Variants in LSM6 observed in about 807,000 individuals in gnomAD.
LSM6 encodes the protein U6 snRNA-associated Sm-like protein LSm6.
Under a neutral mutation model 13.5 loss-of-function variants are expected in LSM6, and 2 were observed. That is an observed-to-expected ratio of 0.15 (90% CI 0.06 to 0.47). The LOEUF (loss-of-function observed/expected upper bound fraction) is 0.47. LSM6 is among the 20% of genes least tolerant of loss of function. The pLI, the probability that LSM6 is intolerant of heterozygous loss-of-function variation, is 0.97. For missense variants in LSM6, 58 were observed against 96.4 expected (o/e 0.60, Z 1.67); for synonymous variants, 43 against 34.9 (o/e 1.23, Z -0.82).
chr4:146,176,571 A>G (rs1730114443), intron 1 of LSM6: 1 of 152,016 alleles, frequency 6.6e-6, no homozygotes, highest in African/African-American at 2.4e-5. Context: ...ACCTACGATC[A>G]TTTTCTCTTG....
chr4:146,182,382 A>G lies in LSM6; in HGVS notation c.-10-530A>G, dbSNP rs1730250369. Among the ~76,000 whole-genome samples, 5 of 152,232 alleles carry G rather than the reference A, an allele frequency of 3.3e-5. No homozygotes were observed. In the South Asian group the frequency reaches 1.0e-3, roughly 32 times the overall value. On this transcript the variant is annotated intron_variant, in intron 1 of 3. Transcript: ENST00000296581. ...GGACTTTAAAATAGGGCTGATTTGA[A>G]CTTGAATGTTCCATCACATTTGGGA...
rs145653337 is a variant in LSM6 at position 146,189,865 on chromosome 4, C to T, written c.*209C>T. On this transcript the variant is annotated 3_prime_UTR_variant, in exon 4 of 4. Transcript: ENST00000296581. Reference sequence around the variant, plus strand: ...AAGTTTCAGTCATTTTCTTTTACCTCGTTGTCAGTGTACAGAATGCTAAAA... The same window carrying T: ...AAGTTTCAGTCATTTTCTTTTACCTTGTTGTCAGTGTACAGAATGCTAAAA... 196 of 509,200 alleles carry T rather than the reference C, an allele frequency of 3.8e-4. No individual in the cohort carries two copies. The highest frequency in any genetic ancestry group is 6.6e-4 in the Admixed American group (17 of 25,668). 31.5% of individuals were successfully genotyped at this position (509,200 alleles called of 1,614,324 possible).
intron 2 of LSM6, chr4:146,183,684 G>C (rs1200635242): frequency 6.6e-6 from 1 of 151,984 alleles, no homozygotes; most frequent in Non-Finnish European, 1.5e-5. Context: ...GTGGTCTCTT[G>C]GGTTGCTATA....
intron 2 of LSM6, chr4:146,183,299 T>G (rs1356367902): frequency 9.4e-6 from 3 of 318,664 alleles, no homozygotes; most frequent in African/African-American, 6.4e-5. Flanking sequence ...AGCTAGGTAT[T>G]CCTAGTGAAC....
Position 146,189,722 on chromosome 4 carries a change from G to C in LSM6, c.*66G>C. ...TTTTTATGAATTTTTTCTAATTTTT[G>C]CTTCTTTTGTGATACAATTTGTCCT... On this transcript the variant is annotated 3_prime_UTR_variant, in exon 4 of 4. Coordinates refer to ENST00000296581, the MANE Select transcript of LSM6 (RefSeq NM_007080.3). 1 of 1,305,916 alleles carries C rather than the reference G, an allele frequency of 7.7e-7. No individual in the cohort carries two copies. The highest frequency in any genetic ancestry group is 1.1e-6 in the Non-Finnish European group (1 of 933,884). The allele number at this position is 1,305,916 out of a possible 1,614,324, so 80.9% of individuals were successfully genotyped here.
At chr4:146,183,132 GT>G in intron 2 of LSM6, 117 bp downstream of exon 2, 1 of 652,334 alleles carries the variant, frequency 1.5e-6, no homozygotes, top group Admixed American at 2.5e-5. Context: ...GTCATCAGTA[GT>G]TTTTATGCAT....
At chr4:146,185,726 CT>C (rs564177084) in intron 2 of LSM6, among the ~76,000 whole-genome samples, 116 of 149,572 alleles carry the variant, frequency 7.8e-4, no homozygotes, top group African/African-American at 2.7e-3. Flanking sequence ...TAGAAGTGAA[CT>C]CTTTTTTTTT....
chr4:146,188,219 CCTTT>C (rs1196582074), intron 3 of LSM6, among the ~76,000 whole-genome samples: 3 of 152,128 alleles, frequency 2.0e-5, no homozygotes, highest in African/African-American at 4.8e-5. Context: ...GCTTTCTAGT[CCTTT>C]CTATTTATAG....
rs752351455 is a variant in LSM6 at position 146,189,690 on chromosome 4, A to C, written c.*34A>C. The C allele has an allele frequency of 1.3e-6, 2 of 1,552,474 alleles. No homozygotes were observed. Among genetic ancestry groups the C allele is most frequent in the South Asian group, 2.4e-5 (2 of 82,892 alleles). ...AGAGAGCAACGCTTTTCATAGTTGG[A>C]TATATTTTTTTATGAATTTTTTCTA... On this transcript the variant is annotated 3_prime_UTR_variant, in exon 4 of 4. Transcript: ENST00000296581.
intron 1 of LSM6, chr4:146,181,022 C>A (rs867248531): frequency 6.6e-6 from 1 of 152,084 alleles, no homozygotes. Context: ...TGATCTGAGT[C>A]CTGAATGAAA....
rs1730466914 is a variant in LSM6, at chr4:146,191,361, T to G, written c.*1705T>G. The stretch of plus-strand genomic sequence containing the variant: ...CTGTAGCGTCCTGTTTTTTCTAACT[T>G]CTTCCCTGACCTCGCCTTTGATATA... On this transcript the variant is annotated 3_prime_UTR_variant, in exon 4 of 4. Transcript: ENST00000296581. 6.6e-6 allele frequency: 1 copy of G among 152,232 alleles called. No homozygotes were observed. The allele number at this position is 152,232 out of a possible 1,614,324, so 9.4% of individuals were successfully genotyped here.
rs1216768331 is a variant in LSM6 at position 146,190,269 on chromosome 4, T to TG, written c.*614dup. 3.3e-5 allele frequency: 5 copies of TG among 152,508 alleles called. No homozygotes were observed. The highest frequency in any genetic ancestry group is 1.2e-4 in the African/African-American group (5 of 41,592). 9.4% of individuals were successfully genotyped at this position (152,508 alleles called of 1,614,324 possible). A position where few individuals can be genotyped will look rare whatever the true frequency, so the allele number is the denominator to read the frequency against. Reference sequence around the variant, plus strand: ...TGAGGTGCTGGAGAAATCCTAAAGATGAACAAGATTTCAGTGAGGAGAAAG... The same window carrying TG: ...TGAGGTGCTGGAGAAATCCTAAAGATGGAACAAGATTTCAGTGAGGAGAAAG... On this transcript the variant is annotated 3_prime_UTR_variant, in exon 4 of 4. Transcript: ENST00000296581.
rs148645063 is a variant in LSM6, at chr4:146,184,594, G to C, written c.94+1579G>C. Among the ~76,000 whole-genome samples the C allele has an allele frequency of 7.9e-3, 1,202 of 152,214 alleles. 10 individuals are homozygous for C. Among genetic ancestry groups the C allele is most frequent in the Non-Finnish European group, 0.013 (874 of 68,018 alleles). On this transcript the variant is annotated intron_variant, in intron 2 of 3. Coordinates refer to ENST00000296581, the MANE Select transcript of LSM6 (RefSeq NM_007080.3). ...TGCCTCTCACCTGCGAACTTTTGAT[G>C]ATGGGCCCATAGGAAGTAATAGACT...
intron 2 of LSM6, 129 bp downstream of exon 2, chr4:146,183,144 A>G (rs1336468979): frequency 8.2e-6 from 5 of 607,428 alleles, no homozygotes; most frequent in South Asian, 7.5e-5. Flanking sequence ...TTTTATGCAT[A>G]TATCTTTTTC....
intron 1 of LSM6, 144 bp downstream of exon 1, chr4:146,175,955 A>G (rs3733459): frequency 0.29 from 44,619 of 152,336 alleles, 6,904 homozygotes; most frequent in Middle Eastern, 0.37. Context: ...TGCGGTGAAC[A>G]GGCTGGGGCT....
At chr4:146,180,582 G>C (rs1730211245) in intron 1 of LSM6, among the ~76,000 whole-genome samples, 1 of 152,098 alleles carries the variant, frequency 6.6e-6, no homozygotes, top group Admixed American at 6.5e-5. Context: ...TCCAGCTTTT[G>C]CTTTTCAAAT....
Position 146,182,972 on chromosome 4 carries a change from A to T in LSM6, c.51A>T (p.Gly17=). ...GTGACTTCTTAAAGCAAATCATCGG[A>T]CGACCAGTTGTGGTAAAATTAAATT... is the stretch of plus-strand genomic sequence containing the variant. ...TPSDFLKQII[G]RPVVVKLNSG... is the part of the protein sequence containing the mutation. The change falls in exon 2 of 4, where the codon GGA becomes GGT. Residue 17 remains glycine, a synonymous_variant. Coordinates refer to ENST00000296581, the MANE Select transcript of LSM6 (RefSeq NM_007080.3). 1 of 1,613,696 alleles carries T rather than the reference A, an allele frequency of 6.2e-7. No homozygotes were observed. Among genetic ancestry groups the T allele is most frequent in the South Asian group, 1.1e-5 (1 of 91,070 alleles).
chr4:146,188,710 G>A (rs181150946), intron 3 of LSM6, among the ~76,000 whole-genome samples: 1 of 152,146 alleles, frequency 6.6e-6, no homozygotes, highest in Admixed American at 6.5e-5. Flanking sequence ...CACATCCTAC[G>A]AGTTCATGTT....
intron 3 of LSM6, among the ~76,000 whole-genome samples, chr4:146,188,985 CTTTTTTTTT>C (rs574933137): frequency 7.6e-6 from 1 of 131,340 alleles, no homozygotes; most frequent in Non-Finnish European, 1.6e-5. Flanking sequence ...TGAAAAGCAT[CTTTTTTTTT>C]TTTTTTTTTT....
Sources: gnomAD v4.1 joint callset for allele counts (sites outside exome capture counted in the v4.1 genomes callset) on GRCh38, gnomAD v4.1.1 for gene constraint, MANE v1.5 for transcripts, NCBI Gene and HGNC (gene_info 2026-07-23, HGNC 2026-07-21) for gene names.